The following RALGAPB variants were observed in gnomAD, a reference collection of about 807,000 sequenced individuals.
RALGAPB encodes Ral GTPase activating protein non-catalytic subunit beta.
In RALGAPB, 25 loss-of-function variants were observed where a neutral mutation model predicts 161.1. The observed-to-expected ratio is 0.16, with a 90% CI of 0.11 to 0.22. RALGAPB has a LOEUF of 0.22. RALGAPB is among the 10% of genes least tolerant of loss of function. The pLI is 1.00. For synonymous variants in RALGAPB, 629 were observed against 626.1 expected, an observed-to-expected ratio of 1.00 and a Z score of -0.07; for missense variants, 1,391 against 1,815.2, an observed-to-expected ratio of 0.77 and a Z score of 4.25.
chr20:38,554,772 C>A (rs572439530), intron 22 of RALGAPB, among the ~76,000 whole-genome samples: 1 of 152,164 alleles, frequency 6.6e-6, no homozygotes, highest in African/African-American at 2.4e-5. Flanking sequence ...ATTCTTAATT[C>A]CATTAGCCTT....
At chr20:38,507,674 A>G (rs1280697838) in intron 5 of RALGAPB, among the ~76,000 whole-genome samples, 1 of 150,652 alleles carries the variant, frequency 6.6e-6, no homozygotes, top group African/African-American at 2.4e-5. Context: ...GTGAGCCACT[A>G]TGCCAGCGTT....
intron 17 of RALGAPB, among the ~76,000 whole-genome samples, chr20:38,540,657 T>TC (rs1231183122): frequency 6.6e-6 from 1 of 152,166 alleles, no homozygotes; most frequent in Non-Finnish European, 1.5e-5. Context: ...TCTTAAACCA[T>TC]CCCCCTCCTT....
intron 28 of RALGAPB, 50 bp downstream of exon 28, chr20:38,570,897 T>G: frequency 8.6e-7 from 1 of 1,166,942 alleles, no homozygotes; most frequent in Non-Finnish European, 1.3e-6. Context: ...TTTAACATAT[T>G]GATTGCAGCT....
chr20:38,555,107 C>T (rs2145455445), intron 22 of RALGAPB, among the ~76,000 whole-genome samples: 1 of 152,248 alleles, frequency 6.6e-6, no homozygotes, highest in Admixed American at 6.5e-5. Flanking sequence ...ATGTACAAGA[C>T]AAGTGATGCA....
intron 6 of RALGAPB, among the ~76,000 whole-genome samples, chr20:38,510,096 C>G (rs1024346216): frequency 2.0e-5 from 3 of 150,682 alleles, no homozygotes; most frequent in African/African-American, 7.4e-5. Context: ...ACCTCAGGAT[C>G]TGTCTTTATA....
intron 22 of RALGAPB, 149 bp downstream of exon 22, chr20:38,554,225 GT>G (rs2087497367): frequency 3.9e-6 from 3 of 775,390 alleles, no homozygotes; most frequent in Non-Finnish European, 6.0e-6. Context: ...ATGAAATTCT[GT>G]GCTGCTGTAG....
intron 6 of RALGAPB, among the ~76,000 whole-genome samples, chr20:38,510,990 G>C (rs1317191777): frequency 6.6e-6 from 1 of 152,102 alleles, no homozygotes; most frequent in Admixed American, 6.5e-5. Flanking sequence ...CAGAGACCCA[G>C]CTGGCAGAGG....
At chr20:38,536,847 TC>T (rs1470996735) in intron 16 of RALGAPB, among the ~76,000 whole-genome samples, 2 of 152,196 alleles carry the variant, frequency 1.3e-5, no homozygotes, top group Non-Finnish European at 2.9e-5. Flanking sequence ...CCTAAGGTGT[TC>T]TTACCACCAC....
At chr20:38,492,170 A>C (rs1400729645) in intron 2 of RALGAPB, among the ~76,000 whole-genome samples, 1 of 152,186 alleles carries the variant, frequency 6.6e-6, no homozygotes, top group Non-Finnish European at 1.5e-5. Flanking sequence ...TCTAGTTGGA[A>C]GACCAGAATT....
At chr20:38,534,940 C>T (rs1013736315) in intron 15 of RALGAPB, 134 bp from the exon 16 acceptor site, 20 of 1,069,610 alleles carry the variant, frequency 1.9e-5, no homozygotes, top group African/African-American at 6.2e-5. Flanking sequence ...GGGTGGGGAG[C>T]GTAGCACTGT....
chr20:38,516,797 TA>T (rs1600917903), intron 7 of RALGAPB, among the ~76,000 whole-genome samples: 1 of 152,354 alleles, frequency 6.6e-6, no homozygotes, highest in East Asian at 1.9e-4. Context: ...TGTATATCAT[TA>T]AAAAGCAAAT....
chr20:38,494,717 A>G (rs1458785850), intron 3 of RALGAPB, among the ~76,000 whole-genome samples: 1 of 152,234 alleles, frequency 6.6e-6, no homozygotes, highest in South Asian at 2.1e-4. Context: ...AAAATGGTGT[A>G]ATAGTTTTAA....
chr20:38,530,843 G>T (rs913640036), intron 13 of RALGAPB, among the ~76,000 whole-genome samples: 9 of 150,596 alleles, frequency 6.0e-5, no homozygotes, highest in African/African-American at 2.0e-4. Context: ...GCCCCACTTC[G>T]GCCACCCAAA....
chr20:38,551,276 C>A (rs771210963), intron 21 of RALGAPB, 53 bp downstream of exon 21: 5 of 1,564,844 alleles, frequency 3.2e-6, no homozygotes, highest in African/African-American at 1.4e-5. Context: ...AACATTCTTA[C>A]GACTTCCTTG....
Position 38,565,350 on chromosome 20 carries a change from T to C in RALGAPB, c.3698-9T>C. ...GAAGCGGTAATGTAGTGTTTCTTTT[T>C]CCCAGAAGAAGTGATTTCCTCTGAA... On this transcript the variant is annotated splice_polypyrimidine_tract_variant and intron_variant, in intron 24 of 29. Transcript: ENST00000262879. 3.7e-6 allele frequency: 6 copies of C among 1,612,910 alleles called. No individual in the cohort carries two copies. Among genetic ancestry groups the C allele is most frequent in the Non-Finnish European group, 4.2e-6 (5 of 1,179,346 alleles).
In RALGAPB at chr20:38,574,659, G is replaced by A. The variant is rs572824262; in HGVS notation, c.4292-115G>A. On this transcript the variant is annotated intron_variant, in intron 29 of 29. Coordinates refer to ENST00000262879, the MANE Select transcript of RALGAPB (RefSeq NM_020336.4). ...CTATCTCTCTGGGGATGGGAAGTTT[G>A]CAAATTGAATGAAATAGTTTTGAGT... 354 of 1,075,246 alleles carry A rather than the reference G, an allele frequency of 3.3e-4. 6 individuals carry two copies. The South Asian group carries it at 4.4e-3, about 13-fold the overall frequency. The allele number at this position is 1,075,246 out of a possible 1,614,324, so 66.6% of individuals were successfully genotyped here.
At chr20:38,497,837 G>A (rs1031939337) in intron 4 of RALGAPB, among the ~76,000 whole-genome samples, 4 of 152,156 alleles carry the variant, frequency 2.6e-5, no homozygotes, top group Non-Finnish European at 5.9e-5. Context: ...GGGAGGCCAA[G>A]GCAGGTGTAT....
At chr20:38,542,389 A>G (rs1234199749) in intron 18 of RALGAPB, among the ~76,000 whole-genome samples, 1 of 152,196 alleles carries the variant, frequency 6.6e-6, no homozygotes, top group Non-Finnish European at 1.5e-5. Context: ...TAAGTCATTC[A>G]GTGAATTTTT....
Position 38,525,802 on chromosome 20 carries a change from CATT to C in RALGAPB, c.1903-90_1903-88del, listed in dbSNP as rs1433862837. The C allele has an allele frequency of 5.3e-6, 7 of 1,315,726 alleles. No individual in the cohort carries two copies. In the African/African-American group the frequency reaches 1.0e-4, roughly 19 times the overall value. The allele number at this position is 1,315,726 out of a possible 1,614,324, so 81.5% of individuals were successfully genotyped here. Reference sequence around the variant, plus strand: ...CTAATATTAGACTGAAAGCCTTTCTCATTATACTGATCCGTTCCTCCATCTAGC... The same window carrying C: ...CTAATATTAGACTGAAAGCCTTTCTCATACTGATCCGTTCCTCCATCTAGC... On this transcript the variant is annotated intron_variant, in intron 12 of 29. Coordinates refer to ENST00000262879, the MANE Select transcript of RALGAPB (RefSeq NM_020336.4).
Sources: allele counts gnomAD v4.1 joint callset (sites outside exome capture counted in the v4.1 genomes callset), GRCh38; gene constraint gnomAD v4.1.1; transcripts MANE v1.5; gene names NCBI Gene and HGNC (gene_info 2026-07-23, HGNC 2026-07-21).